Variants in PLCB1 observed in about 807,000 individuals in gnomAD.
The protein encoded by PLCB1 is phospholipase C beta 1.
PLCB1 carries 46 observed loss-of-function variants against 161.8 expected under a neutral mutation model. The observed-to-expected ratio is 0.28, with a 90% CI of 0.22 to 0.36. The LOEUF (loss-of-function observed/expected upper bound fraction) is 0.36, where lower values mean the gene tolerates loss of function less well. Ranked by LOEUF, PLCB1 falls within the 10% of genes least tolerant of loss-of-function variation. PLCB1 has a pLI of 1.00. For synonymous variants in PLCB1, 517 were observed against 503.7 expected (o/e 1.03, Z -0.35); for missense variants, 1,016 against 1,472.5 (o/e 0.69, Z 5.07).
intron 3 of PLCB1, among the ~76,000 whole-genome samples, chr20:8,491,885 T>C (rs1982961423): frequency 6.6e-6 from 1 of 152,124 alleles, no homozygotes; most frequent in South Asian, 2.1e-4. Context: ...TTACCTGACA[T>C]TCTGTGTCTT....
chr20:8,825,491 A>G (rs1297197608), intron 31 of PLCB1, among the ~76,000 whole-genome samples: 1 of 152,206 alleles, frequency 6.6e-6, no homozygotes, highest in Admixed American at 6.5e-5. Context: ...AATACACGCA[A>G]AGTCCCTGTG....
chr20:8,219,194 A>G (rs1156844524), intron 2 of PLCB1, among the ~76,000 whole-genome samples: 2 of 152,150 alleles, frequency 1.3e-5, no homozygotes, highest in African/African-American at 2.4e-5. Context: ...GCTGTAACCA[A>G]TCACTAATAT....
intron 9 of PLCB1, among the ~76,000 whole-genome samples, chr20:8,669,067 G>A (rs941472199): frequency 6.6e-5 from 10 of 152,134 alleles, no homozygotes; most frequent in African/African-American, 2.4e-4. Flanking sequence ...TGCTCTCAAG[G>A]AGCCTATAAT....
chr20:8,543,931 CCTCTTTCCTTTATAAATTA>C (rs1985436822), intron 3 of PLCB1, among the ~76,000 whole-genome samples: 1 of 152,176 alleles, frequency 6.6e-6, no homozygotes, highest in Admixed American at 6.5e-5. Context: ...GTCAATTAAA[CCTCTTTCCTTTATAAATTA>C]CTCAGTCTTG....
intron 2 of PLCB1, among the ~76,000 whole-genome samples, chr20:8,173,757 C>T (rs2051755572): frequency 6.6e-6 from 1 of 151,878 alleles, no homozygotes; most frequent in African/African-American, 2.4e-5. Flanking sequence ...TATTTTGAAA[C>T]AAGTGCAAAA....
At chr20:8,145,263 A>T (rs1033475641) in intron 1 of PLCB1, among the ~76,000 whole-genome samples, 3 of 152,138 alleles carry the variant, frequency 2.0e-5, no homozygotes, top group African/African-American at 7.2e-5. Flanking sequence ...TTCCTTCTGT[A>T]CATGCCTGTG....
chr20:8,227,614 C>G (rs1203824387), intron 2 of PLCB1, among the ~76,000 whole-genome samples: 2 of 152,188 alleles, frequency 1.3e-5, no homozygotes, highest in African/African-American at 2.4e-5. Flanking sequence ...CCCTACCAAC[C>G]CACACTTTTA....
chr20:8,324,429 T>G (rs1403492111), intron 2 of PLCB1, among the ~76,000 whole-genome samples: 2 of 152,194 alleles, frequency 1.3e-5, no homozygotes, highest in Non-Finnish European at 2.9e-5. Context: ...AGTAGGTGGA[T>G]CATATTAGGC....
At chr20:8,782,104 T>C (rs1169876003) in intron 27 of PLCB1, among the ~76,000 whole-genome samples, 2 of 152,228 alleles carry the variant, frequency 1.3e-5, no homozygotes, top group Non-Finnish European at 2.9e-5. Context: ...TATTTTAATA[T>C]AAGTTCTATT....
chr20:8,730,351 C>T (rs1318129966), intron 18 of PLCB1, among the ~76,000 whole-genome samples: 1 of 151,668 alleles, frequency 6.6e-6, no homozygotes, highest in East Asian at 1.9e-4. Flanking sequence ...AACAATCATC[C>T]CACTGAACTG....
In PLCB1 at chr20:8,832,082, C is replaced by CAA. The variant is rs78445129; in HGVS notation, c.3423+41822_3423+41823insAA. ...CCCAGGGTAGTGAAAGTTTAATTTT[C>CAA]AGAGTTTTTAATGCCAGAATCCGAC... On this transcript the variant is annotated intron_variant, in intron 31 of 31. Coordinates refer to ENST00000338037, the MANE Select transcript of PLCB1 (RefSeq NM_015192.4). Among the ~76,000 whole-genome samples the CAA allele has an allele frequency of 1.8e-3, 142 of 77,162 alleles. 6 individuals are homozygous for CAA. Among genetic ancestry groups the CAA allele is most frequent in the African/African-American group, 2.7e-3 (64 of 23,490 alleles). 50.6% of individuals were successfully genotyped at this position (77,162 alleles called of 152,430 possible).
chr20:8,461,881 T>C (rs761783284), intron 3 of PLCB1, among the ~76,000 whole-genome samples: 1 of 152,186 alleles, frequency 6.6e-6, no homozygotes, highest in Non-Finnish European at 1.5e-5. Context: ...CTAATTGTGA[T>C]TGAAATTTCA....
At chr20:8,342,046 A>G (rs1985828310) in intron 2 of PLCB1, among the ~76,000 whole-genome samples, 1 of 152,134 alleles carries the variant, frequency 6.6e-6, no homozygotes, top group Non-Finnish European at 1.5e-5. Context: ...TAGGGGCACA[A>G]AGAGAGATTT....
chr20:8,486,543 C>T (rs899337327), intron 3 of PLCB1, among the ~76,000 whole-genome samples: 2 of 128,990 alleles, frequency 1.6e-5, no homozygotes, highest in South Asian at 2.4e-4. Context: ...GGCCGGACTG[C>T]GGACTGCAGT....
At chr20:8,443,636 T>A (rs1980670149) in intron 3 of PLCB1, among the ~76,000 whole-genome samples, 1 of 152,154 alleles carries the variant, frequency 6.6e-6, no homozygotes, top group Non-Finnish European at 1.5e-5. Flanking sequence ...TCAGTCTGAG[T>A]TTCACCAGTG....
intron 27 of PLCB1, among the ~76,000 whole-genome samples, chr20:8,785,578 G>T (rs1388838340): frequency 6.6e-6 from 1 of 152,158 alleles, no homozygotes; most frequent in Non-Finnish European, 1.5e-5. Flanking sequence ...GGCAAATGCA[G>T]GGGGTGTGAT....
chr20:8,841,544 G>A (rs936947584), intron 31 of PLCB1, among the ~76,000 whole-genome samples: 16 of 152,178 alleles, frequency 1.1e-4, no homozygotes, highest in African/African-American at 3.9e-4. Flanking sequence ...TCTTTGTTCT[G>A]TTGAATATCA....
At chr20:8,858,837 A>T (rs191355749) in intron 31 of PLCB1, among the ~76,000 whole-genome samples, 1 of 151,468 alleles carries the variant, frequency 6.6e-6, no homozygotes, top group Non-Finnish European at 1.5e-5. Context: ...GGTTCAGTAG[A>T]CAAAGAAGGC....
chr20:8,367,965 C>G (rs958180632), intron 2 of PLCB1, among the ~76,000 whole-genome samples: 2 of 152,150 alleles, frequency 1.3e-5, no homozygotes, highest in African/African-American at 4.8e-5. Context: ...GGCATTTCCA[C>G]CCAGGTCTTC....
Sources: gnomAD v4.1 joint callset for allele counts (sites outside exome capture counted in the v4.1 genomes callset) on GRCh38, gnomAD v4.1.1 for gene constraint, MANE v1.5 for transcripts, NCBI Gene and HGNC (gene_info 2026-07-23, HGNC 2026-07-21) for gene names.